SPICE1: variants seen among roughly 807,000 people sequenced by gnomAD.
The protein encoded by SPICE1 is spindle and centriole associated protein 1.
Under a neutral mutation model 102.7 loss-of-function variants are expected in SPICE1, and 75 were observed. The ratio of observed to expected loss-of-function variants is 0.73; its 90% confidence interval spans 0.61 to 0.88. The LOEUF (loss-of-function observed/expected upper bound fraction) is 0.88, where lower values mean the gene tolerates loss of function less well. Among genes scored for constraint, SPICE1 ranks in the 40% least tolerant of loss-of-function variants. The pLI, the probability that SPICE1 is intolerant of heterozygous loss-of-function variation, is 0.00. For synonymous variants in SPICE1, 308 were observed against 350.3 expected (o/e 0.88, Z 1.35); for missense variants, 979 against 1,020.1 (o/e 0.96, Z 0.55).
At chr3:113,484,236 T>C (rs1023733387) in intron 7 of SPICE1, among the ~76,000 whole-genome samples, 2 of 152,216 alleles carry the variant, frequency 1.3e-5, no homozygotes, top group Non-Finnish European at 2.9e-5. Context: ...ATATCCCCTT[T>C]ATCATTTTTT....
intron 13 of SPICE1, among the ~76,000 whole-genome samples, chr3:113,454,639 C>T (rs907898556): frequency 6.6e-6 from 1 of 151,984 alleles, no homozygotes; most frequent in South Asian, 2.1e-4. Context: ...TAGCTTGAAC[C>T]CAGGAGGCAG....
Position 113,468,302 on chromosome 3 carries a change from A to T in SPICE1, c.992T>A (p.Leu331Gln), listed in dbSNP as rs764848674. 1.2e-6 allele frequency: 2 copies of T among 1,614,166 alleles called. No homozygotes were observed. Among genetic ancestry groups the T allele is most frequent in the South Asian group, 1.1e-5 (1 of 91,086 alleles). The change falls in exon 10 of 18, where the codon CTG (leucine) becomes CAG (glutamine). Residue 331 changes from leucine to glutamine, a missense_variant. Physicochemically the swap from Leu to Gln is moderately radical, Grantham distance 113 (BLOSUM62 -2). Coordinates refer to ENST00000295872, the MANE Select transcript of SPICE1 (RefSeq NM_144718.4). ...ADLPNRTNSNLDVLKHMIHEV... is the reference protein window; with the variant it reads ...ADLPNRTNSNQDVLKHMIHEV... ...ATGTATCATGTGTTTGAGGACATCC[A>T]GGTTGGAATTAGTCCTATTTGGTAA...
chr3:113,507,717 C>T (rs139260015), intron 1 of SPICE1, among the ~76,000 whole-genome samples: 5 of 152,200 alleles, frequency 3.3e-5, no homozygotes, highest in East Asian at 3.9e-4. Flanking sequence ...ATGATAGCCA[C>T]GGTGGTAATG....
chr3:113,498,441 T>C (rs1936941888), intron 4 of SPICE1, among the ~76,000 whole-genome samples: 1 of 152,184 alleles, frequency 6.6e-6, no homozygotes, highest in Non-Finnish European at 1.5e-5. Context: ...GCTGCCTTTT[T>C]TCGTGGTGAG....
chr3:113,494,862 A>G (rs1219244710), intron 4 of SPICE1, among the ~76,000 whole-genome samples: 1 of 152,226 alleles, frequency 6.6e-6, no homozygotes, highest in Non-Finnish European at 1.5e-5. Context: ...ATTATAATCC[A>G]TAGTTTGAAA....
intron 13 of SPICE1, among the ~76,000 whole-genome samples, chr3:113,454,160 T>C (rs2107447405): frequency 6.6e-6 from 1 of 152,198 alleles, no homozygotes; most frequent in East Asian, 1.9e-4. Flanking sequence ...CCTTAAAGCA[T>C]TTGTTAGTAC....
chr3:113,457,419 G>GAATAAATACCTGAAAT, intron 12 of SPICE1, 62 bp from the exon 13 acceptor site: 1 of 1,538,374 alleles, frequency 6.5e-7, no homozygotes, highest in Non-Finnish European at 8.9e-7. Context: ...GCACATTTCA[G>GAATAAATACCTGAAAT]GTATTTATTC....
At chr3:113,449,435 C>T (rs558095423) in intron 15 of SPICE1, 11 of 152,240 alleles carry the variant, frequency 7.2e-5, no homozygotes, top group Admixed American at 4.6e-4. Context: ...GAACAGTAGA[C>T]AAAACTGTCA....
At chr3:113,505,856 T>C (rs566735152) in intron 2 of SPICE1, among the ~76,000 whole-genome samples, 2 of 152,188 alleles carry the variant, frequency 1.3e-5, no homozygotes, top group African/African-American at 2.4e-5. Context: ...CAGTGAGCTA[T>C]GATGGCATCA....
intron 7 of SPICE1, among the ~76,000 whole-genome samples, chr3:113,486,690 A>G (rs1164658767): frequency 6.6e-6 from 1 of 151,812 alleles, no homozygotes; most frequent in African/African-American, 2.4e-5. Context: ...GGATATGTTA[A>G]TTACCCCAAT....
intron 7 of SPICE1, among the ~76,000 whole-genome samples, chr3:113,477,876 T>A: frequency 6.6e-6 from 1 of 151,630 alleles, no homozygotes; most frequent in East Asian, 1.9e-4. Context: ...GCATGGCACA[T>A]GTATACATAT....
At chr3:113,459,914 C>A in intron 12 of SPICE1, 1 of 985,092 alleles carries the variant, frequency 1.0e-6, no homozygotes, top group South Asian at 4.7e-5. Context: ...TAGCAAGACT[C>A]CACCAGAAGA....
intron 10 of SPICE1, among the ~76,000 whole-genome samples, chr3:113,467,894 C>T (rs1559962617): frequency 7.3e-6 from 1 of 137,858 alleles, no homozygotes; most frequent in East Asian, 1.9e-4. Context: ...GCAGATTTAC[C>T]CTACTAATTA....
rs748770248 is a variant in SPICE1, at chr3:113,445,321, T to A, written c.2554A>T (p.Thr852Ser). The change falls in exon 18 of 18, where the codon ACC (threonine) becomes TCC (serine). Residue 852 changes from threonine to serine, a missense_variant. Transcript: ENST00000295872. ...QNEEGWFALS[T>S]HVS ...CTTGACTTCACTTATGATACATGGG[T>A]AGAAAGAGCAAACCAGCCTTCTTCA... is the stretch of plus-strand genomic sequence containing the variant. The A allele has an allele frequency of 3.2e-5, 52 of 1,612,800 alleles. No individual in the cohort carries two copies. In the East Asian group the frequency reaches 1.1e-3, roughly 35 times the overall value.
intron 6 of SPICE1, 71 bp downstream of exon 6, chr3:113,493,135 T>A: frequency 9.0e-7 from 1 of 1,111,620 alleles, no homozygotes; most frequent in South Asian, 1.6e-5. Flanking sequence ...TTAAAATATT[T>A]ACCACAAGGC....
At chr3:113,470,594 C>G (rs1359248179) in intron 7 of SPICE1, among the ~76,000 whole-genome samples, 1 of 152,234 alleles carries the variant, frequency 6.6e-6, no homozygotes, top group Non-Finnish European at 1.5e-5. Flanking sequence ...GACTACCTTT[C>G]TCAGCCTCTG....
At chr3:113,482,913 TTAAAG>T (rs1028419362) in intron 7 of SPICE1, among the ~76,000 whole-genome samples, 180 of 152,326 alleles carry the variant, frequency 1.2e-3, no homozygotes, top group Middle Eastern at 3.4e-3. Context: ...CATAAGAAGT[TTAAAG>T]TAGTTTTTTC....
In SPICE1 at chr3:113,483,312, C is replaced by T. The variant is rs1159511075; in HGVS notation, c.611+5633G>A. On this transcript the variant is annotated intron_variant, in intron 7 of 17. Transcript: ENST00000295872. ...AGCTTAAGGAGATTTTGGGCTGAGA[C>T]GATGGTGTTTTCTAAATATACAATC... Among the ~76,000 whole-genome samples the T allele has an allele frequency of 7.2e-5, 11 of 152,276 alleles. No homozygotes were observed. The East Asian group carries it at 1.5e-3, about 21-fold the overall frequency.
chr3:113,484,781 G>C (rs1328119047), intron 7 of SPICE1, among the ~76,000 whole-genome samples: 1 of 151,674 alleles, frequency 6.6e-6, no homozygotes, highest in Non-Finnish European at 1.5e-5. Context: ...ATTTGCTGAG[G>C]AGTGTTTTAC....
Sources: gnomAD v4.1 joint callset for allele counts (sites outside exome capture counted in the v4.1 genomes callset) on GRCh38, gnomAD v4.1.1 for gene constraint, MANE v1.5 for transcripts, NCBI Gene and HGNC (gene_info 2026-07-23, HGNC 2026-07-21) for gene names.